Variants in ODAD2 observed in about 807,000 individuals in gnomAD.
ODAD2 encodes outer dynein arm docking complex subunit 2, also known as outer dynein arm-docking complex subunit 2.
A neutral mutation model predicts 106.8 loss-of-function variants in ODAD2; 89 were observed. The ratio of observed to expected loss-of-function variants is 0.83; its 90% CI spans 0.70 to 0.99. ODAD2 has a LOEUF of 0.99. Among genes scored for constraint, ODAD2 ranks in the 50% least tolerant of loss-of-function variants. The pLI is 0.00. For missense variants in ODAD2, 1,168 were observed against 1,238.5 expected, an observed-to-expected ratio of 0.94 and a Z score of 0.85; for synonymous variants, 404 against 436.2, an observed-to-expected ratio of 0.93 and a Z score of 0.92.
At chr10:27,918,640 G>A (rs1280796457) in intron 16 of ODAD2, among the ~76,000 whole-genome samples, 2 of 151,760 alleles carry the variant, frequency 1.3e-5, no homozygotes. Flanking sequence ...ATTAGGTACA[G>A]AACATATATG....
chr10:27,974,311 A>G (rs1849047224), intron 7 of ODAD2, among the ~76,000 whole-genome samples: 1 of 151,936 alleles, frequency 6.6e-6, no homozygotes, highest in African/African-American at 2.4e-5. Context: ...TTTTGTTGCA[A>G]TTGCAAATGG....
chr10:27,914,899 G>A (rs61456649), intron 16 of ODAD2, among the ~76,000 whole-genome samples: 24,416 of 151,814 alleles, frequency 0.16, 2,973 homozygotes, highest in African/African-American at 0.34. Flanking sequence ...AGAAAAGCCT[G>A]ACCTTTTCTC....
intron 19 of ODAD2, among the ~76,000 whole-genome samples, chr10:27,844,639 T>C (rs2133148396): frequency 6.6e-6 from 1 of 152,332 alleles, no homozygotes; most frequent in African/African-American, 2.4e-5. Context: ...AAAACTAAGA[T>C]AATAAGTTTC....
At chr10:27,950,748 G>A (rs371223500) in intron 10 of ODAD2, among the ~76,000 whole-genome samples, 1 of 152,024 alleles carries the variant, frequency 6.6e-6, no homozygotes, top group Non-Finnish European at 1.5e-5. Flanking sequence ...CACCATGCCT[G>A]ACCCATATGC....
intron 17 of ODAD2, among the ~76,000 whole-genome samples, chr10:27,884,434 C>A (rs984948027): frequency 1.3e-5 from 2 of 152,092 alleles, no homozygotes; most frequent in Non-Finnish European, 2.9e-5. Flanking sequence ...CTTTCTCCAC[C>A]CCTTCTCTGG....
Position 27,881,664 on chromosome 10 carries a change from CA to C in ODAD2, c.2611-19043del, listed in dbSNP as rs567432720. On this transcript the variant is annotated intron_variant, in intron 17 of 19. Coordinates refer to ENST00000305242, the MANE Select transcript of ODAD2 (RefSeq NM_018076.5). ...AAAAACACTGAAAAGAATGAGCCGG[CA>C]AAAATACATCCTTGACTATTATTAG... Among the ~76,000 whole-genome samples, 854 of 151,828 alleles carry C rather than the reference CA, an allele frequency of 5.6e-3. 8 individuals are homozygous for C. Among genetic ancestry groups the C allele is most frequent in the African/African-American group, 0.02 (825 of 41,426 alleles).
At chr10:27,855,825 T>C (rs1055296181) in intron 19 of ODAD2, among the ~76,000 whole-genome samples, 3 of 152,202 alleles carry the variant, frequency 2.0e-5, no homozygotes, top group East Asian at 3.9e-4. Flanking sequence ...ATACTTCTGA[T>C]TGTATTTGTC....
rs573139029 is a variant in ODAD2 at position 27,818,201 on chromosome 10, A to G, written c.3022-5576T>C. On this transcript the variant is annotated intron_variant, in intron 19 of 19. Transcript: ENST00000305242. ...CTCACTTCTGCTTTCTGATCTTTAA[A>G]TTATTTCTTATATCAAAACAAAACG... 1.5e-3 allele frequency among the ~76,000 whole-genome samples: 232 copies of G among 151,926 alleles called. 1 individual carries two copies. Among genetic ancestry groups the G allele is most frequent in the East Asian group, 5.6e-3 (29 of 5,172 alleles).
chr10:27,934,968 C>T (rs1845860449), intron 16 of ODAD2, 42 bp downstream of exon 16: 1 of 1,608,370 alleles, frequency 6.2e-7, no homozygotes, highest in Admixed American at 1.7e-5. Flanking sequence ...AGTGTTCTCC[C>T]TAACACTTAT....
At chr10:27,990,369 T>C (rs1850150390) in intron 2 of ODAD2, among the ~76,000 whole-genome samples, 1 of 152,200 alleles carries the variant, frequency 6.6e-6, no homozygotes, top group Non-Finnish European at 1.5e-5. Context: ...AGAGACAGGG[T>C]CTTGCTATGT....
intron 7 of ODAD2, 101 bp downstream of exon 7, chr10:27,981,365 G>A (rs1849533999): frequency 9.8e-6 from 11 of 1,126,616 alleles, no homozygotes; most frequent in Non-Finnish European, 1.3e-5. Flanking sequence ...ATAATAAAAA[G>A]TGCCCAAAAA....
intron 16 of ODAD2, among the ~76,000 whole-genome samples, chr10:27,909,890 T>C (rs1843880477): frequency 6.7e-6 from 1 of 150,244 alleles, no homozygotes; most frequent in Admixed American, 6.6e-5. Flanking sequence ...AGAACATGAT[T>C]GAAAAACATT....
intron 1 of ODAD2, among the ~76,000 whole-genome samples, chr10:27,995,493 G>GA (rs1202046223): frequency 3.9e-5 from 6 of 151,912 alleles, no homozygotes; most frequent in South Asian, 2.1e-4. Flanking sequence ...TCCAAGAGTG[G>GA]AAAAAAAAGG....
intron 19 of ODAD2, among the ~76,000 whole-genome samples, chr10:27,842,347 T>A (rs941275753): frequency 6.6e-6 from 1 of 152,090 alleles, no homozygotes; most frequent in Non-Finnish European, 1.5e-5. Context: ...CTTTATTTCA[T>A]TTCTTTGAAA....
chr10:27,857,780 A>C (rs572932063), intron 19 of ODAD2, among the ~76,000 whole-genome samples: 1 of 152,302 alleles, frequency 6.6e-6, no homozygotes, highest in South Asian at 2.1e-4. Context: ...AAAGCAGCTA[A>C]TCCTAGGATC....
intron 17 of ODAD2, among the ~76,000 whole-genome samples, chr10:27,879,829 G>C (rs1841583660): frequency 6.6e-6 from 1 of 152,102 alleles, no homozygotes. Flanking sequence ...CTTTATGAAT[G>C]CTCTCCTAAT....
chr10:27,906,324 C>T (rs1843585205), intron 17 of ODAD2, among the ~76,000 whole-genome samples: 1 of 152,146 alleles, frequency 6.6e-6, no homozygotes, highest in Admixed American at 6.5e-5. Flanking sequence ...CCATCTCACA[C>T]CAGTTAGAAT....
chr10:27,822,718 C>A lies in ODAD2; in HGVS notation c.3022-10093G>T, dbSNP rs754896400. ...TTAACATTTGCTGGCTGGAGCAAAA[C>A]CTTTGGTTCTATTTGGTCAGTGAAG... On this transcript the variant is annotated intron_variant, in intron 19 of 19. Transcript: ENST00000305242. 2.0e-5 allele frequency among the ~76,000 whole-genome samples: 3 copies of A among 152,112 alleles called. No homozygotes were observed. The South Asian group carries it at 6.2e-4, about 31-fold the overall frequency.
intron 17 of ODAD2, among the ~76,000 whole-genome samples, chr10:27,863,222 C>T (rs1482973892): frequency 6.6e-6 from 1 of 152,120 alleles, no homozygotes; most frequent in Admixed American, 6.5e-5. Flanking sequence ...TCAGGCACAC[C>T]ACAGCCTTCT....
Sources: gnomAD v4.1 joint callset for allele counts (sites outside exome capture counted in the v4.1 genomes callset) on GRCh38, gnomAD v4.1.1 for gene constraint, MANE v1.5 for transcripts, NCBI Gene and HGNC (gene_info 2026-07-23, HGNC 2026-07-21) for gene names.